The following TBC1D22A variants were observed in gnomAD, a reference collection of about 807,000 sequenced individuals.
The protein encoded by TBC1D22A is putative GTPase activator.
Under a neutral mutation model 60.2 loss-of-function variants are expected in TBC1D22A, and 38 were observed. That is an observed-to-expected ratio of 0.63 (90% CI 0.49 to 0.83). The LOEUF is 0.83. Among genes scored for constraint, TBC1D22A ranks in the 40% least tolerant of loss-of-function variants. The probability of loss-of-function intolerance (pLI) is 0.00; values close to 1 mark genes in which losing one functional copy is unlikely to be tolerated. For missense variants in TBC1D22A, 628 were observed against 701.0 expected (o/e 0.90, Z 1.18); for synonymous variants, 302 against 281.7 (o/e 1.07, Z -0.72).
At chr22:47,158,347 T>C (rs1486318761) in intron 12 of TBC1D22A, among the ~76,000 whole-genome samples, 1 of 152,190 alleles carries the variant, frequency 6.6e-6, no homozygotes, top group Non-Finnish European at 1.5e-5. Flanking sequence ...GGAGGGTTCT[T>C]TAGCACTGTC....
chr22:47,024,981 A>G (rs965761345), intron 10 of TBC1D22A, among the ~76,000 whole-genome samples: 2 of 152,254 alleles, frequency 1.3e-5, no homozygotes, highest in Admixed American at 1.3e-4. Context: ...ATTAATGGCA[A>G]ACAGTAGATT....
At chr22:46,859,171 T>TAAA (rs202234632) in intron 4 of TBC1D22A, among the ~76,000 whole-genome samples, 5 of 63,106 alleles carry the variant, frequency 7.9e-5, no homozygotes, top group Admixed American at 1.4e-4. Flanking sequence ...GAATCCTTTT[T>TAAA]TGATAGAGGT....
intron 4 of TBC1D22A, among the ~76,000 whole-genome samples, chr22:46,847,537 C>T (rs1410184662): frequency 6.6e-6 from 1 of 152,218 alleles, no homozygotes; most frequent in Admixed American, 6.5e-5. Context: ...TCTTCTATCC[C>T]TTCTCTTCAC....
In TBC1D22A at chr22:47,037,277, G is replaced by C. The variant is rs1219455962; in HGVS notation, c.1329+79G>C. 17 of 1,571,772 alleles carry C rather than the reference G, an allele frequency of 1.1e-5. No individual in the cohort carries two copies. The African/African-American group carries it at 2.0e-4, about 19-fold the overall frequency. On this transcript the variant is annotated intron_variant, in intron 11 of 12. Coordinates refer to ENST00000337137, the MANE Select transcript of TBC1D22A (RefSeq NM_014346.5). Reference sequence around the variant, plus strand: ...TCCTGTCGCCTTCTGCCCTGGGCCTGTGTGCTGCATTCGATTTTTTCTTCC... The same window carrying C: ...TCCTGTCGCCTTCTGCCCTGGGCCTCTGTGCTGCATTCGATTTTTTCTTCC...
chr22:46,983,167 C>T (rs2074581727), intron 9 of TBC1D22A, among the ~76,000 whole-genome samples: 1 of 152,186 alleles, frequency 6.6e-6, no homozygotes, highest in African/African-American at 2.4e-5. Flanking sequence ...TGGCTTGGAT[C>T]TGGCACGGCA....
intron 4 of TBC1D22A, among the ~76,000 whole-genome samples, chr22:46,829,135 G>C (rs914847376): frequency 2.6e-5 from 4 of 152,144 alleles, no homozygotes; most frequent in African/African-American, 9.7e-5. Flanking sequence ...GGATCAAATA[G>C]CACCTCCTCT....
chr22:46,833,550 T>G (rs1233227363), intron 4 of TBC1D22A, among the ~76,000 whole-genome samples: 3 of 152,194 alleles, frequency 2.0e-5, no homozygotes, highest in African/African-American at 7.2e-5. Context: ...CCTTAAGGTC[T>G]TCATGACTCG....
At chr22:46,927,265 G>A (rs1177302627) in intron 8 of TBC1D22A, among the ~76,000 whole-genome samples, 2 of 152,182 alleles carry the variant, frequency 1.3e-5, no homozygotes, top group East Asian at 3.9e-4. Context: ...ATTACAAGTG[G>A]AATTTATTTG....
At chr22:47,106,868 G>A (rs2065654836) in intron 11 of TBC1D22A, among the ~76,000 whole-genome samples, 1 of 152,078 alleles carries the variant, frequency 6.6e-6, no homozygotes, top group South Asian at 2.1e-4. Flanking sequence ...CCTGGGAGGA[G>A]GTTTCAGTGA....
intron 10 of TBC1D22A, among the ~76,000 whole-genome samples, chr22:47,011,388 C>G: frequency 6.6e-6 from 1 of 152,224 alleles, no homozygotes; most frequent in South Asian, 2.1e-4. Context: ...CCGCCCACCT[C>G]ATGACCCTGA....
chr22:46,870,188 A>G (rs1220000494), intron 4 of TBC1D22A, among the ~76,000 whole-genome samples: 2 of 152,224 alleles, frequency 1.3e-5, no homozygotes, highest in African/African-American at 4.8e-5. Context: ...CTGAAGAGGG[A>G]GAGCCTCCAG....
At position 46,878,711 on chromosome 22, in the gene TBC1D22A, G is replaced by A; in HGVS notation, c.696G>A (p.Trp232Ter). 3.7e-6 allele frequency: 6 copies of A among 1,613,110 alleles called. No individual in the cohort carries two copies. The highest frequency in any genetic ancestry group is 5.1e-6 in the Non-Finnish European group (6 of 1,179,818). The stretch of plus-strand genomic sequence containing the variant: ...CTAAGCCAGTGCGTCCAATGACGTG[G>A]AAGCTCCTCTCAGTAAGTCCCACCG... Reference protein sequence around the residue: ...GIPKPVRPMTWKLLSGYLPAN... With the variant: ...GIPKPVRPMT Residue 232 changes from tryptophan to a stop codon, truncating the protein, a stop_gained, in exon 5 of 13, where the codon TGG becomes TGA. Coordinates refer to ENST00000337137, the MANE Select transcript of TBC1D22A (RefSeq NM_014346.5). LOFTEE classifies it high-confidence loss of function.
intron 12 of TBC1D22A, among the ~76,000 whole-genome samples, chr22:47,156,633 C>T (rs1309458547): frequency 6.6e-6 from 1 of 152,098 alleles, no homozygotes; most frequent in Non-Finnish European, 1.5e-5. Flanking sequence ...CTGAGGCTGT[C>T]AGAACTCCCC....
At chr22:46,885,807 C>G (rs1031867981) in intron 5 of TBC1D22A, among the ~76,000 whole-genome samples, 1 of 152,146 alleles carries the variant, frequency 6.6e-6, no homozygotes, top group Non-Finnish European at 1.5e-5. Flanking sequence ...TCTGGAGATG[C>G]TCAGGTGGGT....
chr22:46,903,182 C>G (rs779145208), intron 7 of TBC1D22A, among the ~76,000 whole-genome samples: 12 of 152,184 alleles, frequency 7.9e-5, no homozygotes, highest in Admixed American at 1.3e-4. Context: ...GGTCACAGAC[C>G]TCAGCCTGGT....
chr22:46,926,425 C>T lies in TBC1D22A; in HGVS notation c.1015+14237C>T, dbSNP rs572786288. Among the ~76,000 whole-genome samples, 11 of 152,204 alleles carry T rather than the reference C, an allele frequency of 7.2e-5. 1 individual carries two copies. Among genetic ancestry groups the T allele is most frequent in the South Asian group, 2.1e-4 (1 of 4,828 alleles). ...CACAGCATTAAAGTAATACTATGAA[C>T]GACTCTACAAACCAGGCAGTGTATA... On this transcript the variant is annotated intron_variant, in intron 8 of 12. Transcript: ENST00000337137.
At chr22:46,993,686 A>G (rs751763643) in intron 9 of TBC1D22A, among the ~76,000 whole-genome samples, 21 of 152,194 alleles carry the variant, frequency 1.4e-4, no homozygotes, top group Admixed American at 1.2e-3. Flanking sequence ...GCCTGCGGGC[A>G]GCTGCTGGGA....
intron 11 of TBC1D22A, among the ~76,000 whole-genome samples, chr22:47,068,913 G>A (rs551344139): frequency 8.5e-5 from 13 of 152,204 alleles, no homozygotes; most frequent in Non-Finnish European, 1.6e-4. Flanking sequence ...AAGGAGTTTA[G>A]AAATTCAAAA....
intron 11 of TBC1D22A, among the ~76,000 whole-genome samples, chr22:47,070,166 C>T (rs541071912): frequency 3.2e-5 from 4 of 123,654 alleles, no homozygotes; most frequent in African/African-American, 7.1e-5. Context: ...GCTGACCTGA[C>T]GGTCCTGGCT....
Sources: gnomAD v4.1 joint callset for allele counts (sites outside exome capture counted in the v4.1 genomes callset) on GRCh38, gnomAD v4.1.1 for gene constraint, MANE v1.5 for transcripts, NCBI Gene and HGNC (gene_info 2026-07-23, HGNC 2026-07-21) for gene names.